Variants in SUGCT observed in about 807,000 individuals in gnomAD.
SUGCT encodes succinyl-CoA:glutarate-CoA transferase.
Under a neutral mutation model 55.0 loss-of-function variants are expected in SUGCT, and 41 were observed. That is an observed-to-expected ratio of 0.74 (90% CI 0.58 to 0.97). SUGCT has a LOEUF of 0.97. Ranked by LOEUF, SUGCT falls within the 50% of genes least tolerant of loss-of-function variation. The probability of loss-of-function intolerance (pLI) is 0.00; values close to 1 mark genes in which losing one functional copy is unlikely to be tolerated. For synonymous variants in SUGCT, 187 were observed against 200.4 expected (o/e 0.93, Z 0.56); for missense variants, 568 against 547.8 (o/e 1.04, Z -0.37).
the SUGCT span, among the ~76,000 whole-genome samples, chr7:40,945,589 T>C: frequency 6.6e-6 from 1 of 152,196 alleles, no homozygotes; most frequent in Non-Finnish European, 1.5e-5. Context: ...GCTGCTTGAC[T>C]GTTGGGGTAG....
chr7:40,878,223 A>G, the SUGCT span, among the ~76,000 whole-genome samples: 2 of 152,134 alleles, frequency 1.3e-5, no homozygotes, highest in Non-Finnish European at 2.9e-5. Flanking sequence ...TTGTTTCAGT[A>G]TCTCTGAGAA....
At chr7:40,255,520 G>A (rs575773136) in intron 7 of SUGCT, among the ~76,000 whole-genome samples, 35 of 151,342 alleles carry the variant, frequency 2.3e-4, no homozygotes, top group Non-Finnish European at 3.5e-4. Flanking sequence ...AATTAGCCGG[G>A]CATGATGGTG....
At chr7:40,885,220 T>C in the SUGCT span, among the ~76,000 whole-genome samples, 1 of 152,040 alleles carries the variant, frequency 6.6e-6, no homozygotes, top group Admixed American at 6.5e-5. Flanking sequence ...CTCCAGCGTT[T>C]TCACCGTATG....
intron 6 of SUGCT, 47 bp downstream of exon 6, chr7:40,195,107 T>C (rs923442713): frequency 7.8e-6 from 12 of 1,536,948 alleles, no homozygotes; most frequent in Non-Finnish European, 1.1e-5. Context: ...TTCCAGTTTC[T>C]GTGTTTTCTT....
intron 13 of SUGCT, among the ~76,000 whole-genome samples, chr7:40,761,675 T>A (rs1788538815): frequency 6.6e-6 from 1 of 152,164 alleles, no homozygotes; most frequent in Admixed American, 6.5e-5. Flanking sequence ...AGCAGAGCCC[T>A]TTTTCCCTCA....
intron 12 of SUGCT, among the ~76,000 whole-genome samples, chr7:40,656,373 T>G (rs1801019864): frequency 6.6e-6 from 1 of 152,142 alleles, no homozygotes; most frequent in Non-Finnish European, 1.5e-5. Flanking sequence ...TGAAACTATT[T>G]GTGGATATAG....
At chr7:40,278,674 C>G (rs1443556604) in intron 8 of SUGCT, among the ~76,000 whole-genome samples, 1 of 151,938 alleles carries the variant, frequency 6.6e-6, no homozygotes, top group African/African-American at 2.4e-5. Context: ...CTAGCCTGGA[C>G]ATCTCTTTTC....
the SUGCT span, among the ~76,000 whole-genome samples, chr7:40,927,731 T>C: frequency 6.6e-6 from 1 of 152,230 alleles, no homozygotes; most frequent in Non-Finnish European, 1.5e-5. Flanking sequence ...CTGACCCTTT[T>C]GGAGCCTCCA....
intron 7 of SUGCT, among the ~76,000 whole-genome samples, chr7:40,248,910 GCA>G: frequency 7.0e-6 from 1 of 143,344 alleles, no homozygotes; most frequent in African/African-American, 2.7e-5. Context: ...ACACACACAC[GCA>G]CACACACACA....
chr7:40,143,058 G>C (rs772362535), intron 1 of SUGCT, among the ~76,000 whole-genome samples: 2 of 152,130 alleles, frequency 1.3e-5, no homozygotes, highest in Non-Finnish European at 2.9e-5. Flanking sequence ...TGTGAGAGTC[G>C]AAAGACCCAT....
chr7:40,779,973 G>T (rs1027541621), intron 13 of SUGCT, among the ~76,000 whole-genome samples: 4 of 152,172 alleles, frequency 2.6e-5, no homozygotes, highest in Non-Finnish European at 4.4e-5. Flanking sequence ...TCGGCAAACT[G>T]TGTGGAAGCC....
At chr7:40,962,870 C>G in the SUGCT span, among the ~76,000 whole-genome samples, 1 of 152,092 alleles carries the variant, frequency 6.6e-6, no homozygotes, top group Non-Finnish European at 1.5e-5. Context: ...ATCTGCCCAG[C>G]TTGTTTATTT....
chr7:40,400,963 A>G (rs1367543308), intron 9 of SUGCT, among the ~76,000 whole-genome samples: 1 of 152,134 alleles, frequency 6.6e-6, no homozygotes, highest in Non-Finnish European at 1.5e-5. Flanking sequence ...AATCATCAGG[A>G]AGGCATCCCA....
At chr7:40,347,214 G>T (rs1474297804) in intron 9 of SUGCT, among the ~76,000 whole-genome samples, 1 of 152,220 alleles carries the variant, frequency 6.6e-6, no homozygotes, top group Non-Finnish European at 1.5e-5. Flanking sequence ...GAGAGCTGGA[G>T]ATTATGCCTT....
the SUGCT span, among the ~76,000 whole-genome samples, chr7:40,900,420 A>G: frequency 6.6e-6 from 1 of 152,210 alleles, no homozygotes; most frequent in Non-Finnish European, 1.5e-5. Flanking sequence ...GTGCGGATTA[A>G]GTGAGATTGT....
intron 12 of SUGCT, among the ~76,000 whole-genome samples, chr7:40,713,372 C>A (rs926946516): frequency 2.0e-5 from 3 of 152,174 alleles, no homozygotes; most frequent in African/African-American, 7.2e-5. Context: ...CTTCTAAGTC[C>A]TGTAGGTATG....
At chr7:40,918,238 G>A in the SUGCT span, among the ~76,000 whole-genome samples, 4 of 151,938 alleles carry the variant, frequency 2.6e-5, no homozygotes, top group African/African-American at 9.7e-5. Flanking sequence ...CAAGGCGGGC[G>A]GATCACGAGG....
chr7:40,207,873 C>T (rs1348923199), intron 6 of SUGCT, among the ~76,000 whole-genome samples: 1 of 152,074 alleles, frequency 6.6e-6, no homozygotes, highest in Non-Finnish European at 1.5e-5. Flanking sequence ...GAATTGAAAG[C>T]AGGACCTCGA....
At chr7:41,009,451 T>A in the SUGCT span, among the ~76,000 whole-genome samples, 1 of 152,216 alleles carries the variant, frequency 6.6e-6, no homozygotes, top group Non-Finnish European at 1.5e-5. Context: ...CTTGTGAATT[T>A]GGTTGCTAAC....
Sources: allele counts gnomAD v4.1 joint callset (sites outside exome capture counted in the v4.1 genomes callset), GRCh38; gene constraint gnomAD v4.1.1; transcripts MANE v1.5; gene names NCBI Gene and HGNC (gene_info 2026-07-23, HGNC 2026-07-21).